The following ATG2B variants were observed in gnomAD, a reference collection of about 807,000 sequenced individuals.
The protein encoded by ATG2B is autophagy related 2B, also known as autophagy-related protein 2 homolog B.
ATG2B carries 121 observed loss-of-function variants against 241.3 expected under a neutral mutation model. The ratio of observed to expected loss-of-function variants is 0.50; its 90% CI spans 0.43 to 0.58. The LOEUF is 0.58. Among genes scored for constraint, ATG2B ranks in the 20% least tolerant of loss-of-function variants. ATG2B has a pLI of 0.00. For missense variants in ATG2B, 2,306 were observed against 2,491.6 expected (o/e 0.93, Z 1.59); for synonymous variants, 858 against 876.6 (o/e 0.98, Z 0.37).
chr14:96,313,030 C>T, intron 25 of ATG2B, 35 bp downstream of exon 25: 1 of 1,343,030 alleles, frequency 7.4e-7, no homozygotes, highest in Non-Finnish European at 1.1e-6. Context: ...TTTCGAACAG[C>T]TTTGTTTAGT....
At chr14:96,339,097 G>C (rs1171949652) in intron 6 of ATG2B, among the ~76,000 whole-genome samples, 2 of 152,152 alleles carry the variant, frequency 1.3e-5, no homozygotes, top group Non-Finnish European at 2.9e-5. Context: ...ACTCCTGCAA[G>C]AATGGCCATA....
chr14:96,342,877 T>C (rs567965256), intron 5 of ATG2B, among the ~76,000 whole-genome samples: 1 of 152,044 alleles, frequency 6.6e-6, no homozygotes, highest in Admixed American at 6.6e-5. Flanking sequence ...TACACCATTT[T>C]CCCCCAAGAT....
intron 26 of ATG2B, 107 bp downstream of exon 26, chr14:96,311,982 A>G (rs1887172057): frequency 2.5e-6 from 2 of 814,932 alleles, no homozygotes; most frequent in East Asian, 2.6e-5. Context: ...GATCTTTAAT[A>G]AGATTCTTAG....
intron 33 of ATG2B, among the ~76,000 whole-genome samples, chr14:96,302,446 G>A (rs769717909): frequency 1.1e-4 from 16 of 152,098 alleles, no homozygotes; most frequent in Non-Finnish European, 2.1e-4. Context: ...AGCCAGGCAC[G>A]GTGGTGCACT....
chr14:96,308,242 A>G lies in ATG2B; in HGVS notation c.4303+1211T>C, dbSNP rs1233085359. ...TAAATATATATATACATATATATATATATATATATACACACATATATATAT... is the reference window on the plus strand; with the variant it reads ...TAAATATATATATACATATATATATGTATATATATACACACATATATATAT... On this transcript the variant is annotated intron_variant, in intron 29 of 41. Coordinates refer to ENST00000359933, the MANE Select transcript of ATG2B (RefSeq NM_018036.7). Among the ~76,000 whole-genome samples, 8 of 13,676 alleles carry G rather than the reference A, an allele frequency of 5.8e-4. No individual in the cohort carries two copies. The South Asian group carries it at 9.6e-3, about 16-fold the overall frequency. 9.0% of individuals were successfully genotyped at this position (13,676 alleles called of 152,430 possible).
At chr14:96,316,800 G>T in intron 20 of ATG2B, 117 bp from the exon 21 acceptor site, 1 of 818,968 alleles carries the variant, frequency 1.2e-6, no homozygotes, top group Non-Finnish European at 1.9e-6. Context: ...CTGCAGCAAA[G>T]CAGTCTAATC....
At chr14:96,292,287 T>C (rs1253476997) in intron 36 of ATG2B, among the ~76,000 whole-genome samples, 189 bp from the exon 37 acceptor site, 3 of 152,302 alleles carry the variant, frequency 2.0e-5, no homozygotes, top group Admixed American at 1.3e-4. Context: ...ATTAAACAGA[T>C]GTTAATCATC....
chr14:96,363,013 G>T lies in ATG2B; in HGVS notation c.-37C>A, dbSNP rs770531520. ...GCAGCTGGGCTGACTGCGGCTGCGGGTTGCGACGGCTCCGGCCTCGGGGTA... is the reference window on the plus strand; with the variant it reads ...GCAGCTGGGCTGACTGCGGCTGCGGTTTGCGACGGCTCCGGCCTCGGGGTA... On this transcript the variant is annotated 5_prime_UTR_variant, in exon 1 of 42. Coordinates refer to ENST00000359933, the MANE Select transcript of ATG2B (RefSeq NM_018036.7). 2.5e-6 allele frequency: 4 copies of T among 1,610,696 alleles called. No homozygotes were observed. The highest frequency in any genetic ancestry group is 2.5e-6 in the Non-Finnish European group (3 of 1,178,950).
In ATG2B at chr14:96,295,483, T is replaced by G. The variant is rs373380391; in HGVS notation, c.5217A>C (p.Glu1739Asp). Residue 1739 changes from glutamate (E) to aspartate (D), a missense_variant and splice_region_variant, in exon 35 of 42, where the codon GAA becomes GAC. Physicochemically the swap from Glu to Asp is conservative, Grantham distance 45. Coordinates refer to ENST00000359933, the MANE Select transcript of ATG2B (RefSeq NM_018036.7). ...TTTTCAACTATACATATTTAATACC[T>G]TCTGGATCTGGAGTCATTTGAAGCT... ...EVELQMTPDP[E>D]VKKSPGADVT... The G allele has an allele frequency of 6.8e-5, 109 of 1,592,156 alleles. No homozygotes were observed. The highest frequency in any genetic ancestry group is 9.1e-5 in the Non-Finnish European group (106 of 1,170,180).
At chr14:96,296,065 T>C (rs1886631947) in intron 34 of ATG2B, among the ~76,000 whole-genome samples, 1 of 152,170 alleles carries the variant, frequency 6.6e-6, no homozygotes, top group Non-Finnish European at 1.5e-5. Flanking sequence ...GCCATTCTCC[T>C]GCCTCAGCCT....
At chr14:96,344,985 C>T (rs568881376) in intron 3 of ATG2B, among the ~76,000 whole-genome samples, 101 of 151,898 alleles carry the variant, frequency 6.6e-4, no homozygotes, top group African/African-American at 2.4e-3. Context: ...ACGACTAACA[C>T]TATCTGTTAT....
chr14:96,341,500 A>G (rs780478750), intron 6 of ATG2B, 22 bp downstream of exon 6: 1 of 1,541,156 alleles, frequency 6.5e-7, no homozygotes, highest in Non-Finnish European at 8.7e-7. Flanking sequence ...GTTTTACTAC[A>G]GAAAGTGAAA....
chr14:96,303,189 G>A lies in ATG2B; in HGVS notation c.4909C>T (p.Pro1637Ser). The A allele has an allele frequency of 6.2e-7, 1 of 1,612,282 alleles. No individual in the cohort carries two copies. Among genetic ancestry groups the A allele is most frequent in the Non-Finnish European group, 8.5e-7 (1 of 1,179,174 alleles). The part of the protein sequence containing the change: ...PDCDSSLSEH[P>S]VSRQVFIVQD... ...ACAATGAACACCTGCCGGGAGACTG[G>A]GTGTTCTGAGAGGCTGGAATCACAA... Residue 1637 changes from proline (P) to serine (S), a missense_variant, in exon 33 of 42, where the codon CCA becomes TCA. Coordinates refer to ENST00000359933, the MANE Select transcript of ATG2B (RefSeq NM_018036.7).
rs773792586 is a variant in ATG2B, at chr14:96,333,705, C to T, written c.1190G>A (p.Arg397His). 19 of 1,613,658 alleles carry T rather than the reference C, an allele frequency of 1.2e-5. No homozygotes were observed. Among genetic ancestry groups the T allele is most frequent in the Non-Finnish European group, 1.4e-5 (16 of 1,179,744 alleles). ...EQSFYETETA[R>H]TPSSREEEVF... ...TTGCTTACCACGGCTAGAAGGTGTA[C>T]GAGCTGTTTCTGTCTCATAAAAGCT... is the stretch of plus-strand genomic sequence containing the variant. The change falls in exon 8 of 42, where the codon CGT (arginine) becomes CAT (histidine). Residue 397 changes from arginine (R) to histidine (H), a missense_variant. Around this residue, in one of 2 missense-constraint regions of ATG2B, gnomAD observed 1,927 missense variants for 2,011.2 expected, o/e 0.96. Transcript: ENST00000359933.
chr14:96,355,855 C>T (rs887436032), intron 1 of ATG2B, among the ~76,000 whole-genome samples: 43 of 151,988 alleles, frequency 2.8e-4, no homozygotes, highest in Admixed American at 2.0e-4. Flanking sequence ...GAATTCAAAT[C>T]GAGATAAGAC....
chr14:96,301,340 C>T (rs186782719), intron 34 of ATG2B, among the ~76,000 whole-genome samples: 1 of 152,106 alleles, frequency 6.6e-6, no homozygotes, highest in African/African-American at 2.4e-5. Context: ...GACTGGAACC[C>T]AGGTCTGACT....
chr14:96,317,902 C>T, intron 18 of ATG2B, 47 bp from the exon 19 acceptor site: 1 of 1,316,732 alleles, frequency 7.6e-7, no homozygotes, highest in Non-Finnish European at 1.0e-6. Context: ...CCTAGTTCAA[C>T]AGAAGGCAAA....
intron 29 of ATG2B, among the ~76,000 whole-genome samples, chr14:96,309,039 T>A (rs947614930): frequency 1.3e-5 from 2 of 152,216 alleles, no homozygotes; most frequent in African/African-American, 4.8e-5. Flanking sequence ...CCTCTTTACA[T>A]ACCTAAATCC....
rs139232696 is a variant in ATG2B, at chr14:96,361,445, C to T, written c.162+1370G>A. Among the ~76,000 whole-genome samples, 133 of 152,258 alleles carry T rather than the reference C, an allele frequency of 8.7e-4. 1 individual carries two copies. The highest frequency in any genetic ancestry group is 3.0e-3 in the African/African-American group (126 of 41,550). ...TAAAGTCATTAAAGGATAATGCATA[C>T]AAAGCCCTTCCACCCACAAAAGGCA... On this transcript the variant is annotated intron_variant, in intron 1 of 41. Transcript: ENST00000359933.
Sources: gnomAD v4.1 joint callset for allele counts (sites outside exome capture counted in the v4.1 genomes callset) on GRCh38, gnomAD v4.1.1 for gene constraint, gnomAD v4.1.1 regional missense constraint, MANE v1.5 for transcripts, NCBI Gene and HGNC (gene_info 2026-07-23, HGNC 2026-07-21) for gene names.